The following METTL6 variants were observed in gnomAD, a reference collection of about 807,000 sequenced individuals.
The protein encoded by METTL6 is methyltransferase 6, tRNA N3-cytidine, also known as tRNA N(3)-cytidine methyltransferase METTL6.
A neutral mutation model predicts 26.4 loss-of-function variants in METTL6; 22 were observed. The observed-to-expected ratio is 0.83, with a 90% CI of 0.59 to 1.19. METTL6 has a LOEUF of 1.19. METTL6 is among the 50% of genes most tolerant of loss of function. METTL6 has a pLI of 0.00. For synonymous variants in METTL6, 109 were observed against 116.2 expected, an observed-to-expected ratio of 0.94 and a Z score of 0.40; for missense variants, 304 against 324.8, an observed-to-expected ratio of 0.94 and a Z score of 0.49.
At chr3:15,388,544 G>A (rs1243460734) in intron 6 of METTL6, among the ~76,000 whole-genome samples, 1 of 152,132 alleles carries the variant, frequency 6.6e-6, no homozygotes, top group Non-Finnish European at 1.5e-5. Context: ...GTTCCTGGGT[G>A]GGAGCCACAA....
chr3:15,426,604 G>C lies in METTL6; in HGVS notation c.-93C>G. On this transcript the variant is annotated 5_prime_UTR_variant, in exon 2 of 6. Transcript: ENST00000383790. ...CTAATGGATCAGATACATTTCCTGA[G>C]GTGAGTTTCACGCCTCAAACAGCAC... 2.4e-6 allele frequency: 3 copies of C among 1,237,256 alleles called. No homozygotes were observed. The highest frequency in any genetic ancestry group is 2.3e-6 in the Non-Finnish European group (2 of 874,396). The allele number at this position is 1,237,256 out of a possible 1,614,324, so 76.6% of individuals were successfully genotyped here.
At chr3:15,382,669 A>C (rs1008444396) in exon 7 of METTL6, 3 of 151,776 alleles carry the variant, frequency 2.0e-5, no homozygotes, top group East Asian at 3.9e-4. Context: ...GCTTCAAAAA[A>C]AAAAAAAAAA....
At chr3:15,401,443 G>C (rs1302643005) in intron 6 of METTL6, among the ~76,000 whole-genome samples, 1 of 151,000 alleles carries the variant, frequency 6.6e-6, no homozygotes, top group Non-Finnish European at 1.5e-5. Flanking sequence ...CAAAGTGCTG[G>C]GAATACAGGC....
At chr3:15,416,048 A>G (rs1242821928) in intron 3 of METTL6, 106 bp from the exon 4 acceptor site, 1 of 947,840 alleles carries the variant, frequency 1.1e-6, no homozygotes, top group African/African-American at 1.7e-5. Flanking sequence ...GTATACATAG[A>G]AATTATCACT....
intron 4 of METTL6, chr3:15,414,957 A>G (rs1186651304): frequency 1.8e-6 from 2 of 1,131,528 alleles, no homozygotes; most frequent in African/African-American, 3.4e-5. Context: ...ACAATAAATG[A>G]AAGTGTTATC....
intron 3 of METTL6, 80 bp from the exon 4 acceptor site, chr3:15,416,022 G>A (rs1385927501): frequency 2.3e-6 from 3 of 1,283,276 alleles, no homozygotes; most frequent in Admixed American, 2.4e-5. Context: ...ATCAAAAGGC[G>A]ATCCAATTTC....
chr3:15,408,560 C>CTATT (rs1553627412), downstream of METTL6, among the ~76,000 whole-genome samples: 1 of 31,542 alleles, frequency 3.2e-5, no homozygotes, highest in Non-Finnish European at 5.5e-5. Flanking sequence ...CTGCTCCTTG[C>CTATT]TCTTTTTTTT....
chr3:15,415,966 G>A (rs1700188560), intron 3 of METTL6, 24 bp from the exon 4 acceptor site: 1 of 1,585,672 alleles, frequency 6.3e-7, no homozygotes, highest in Non-Finnish European at 8.6e-7. Flanking sequence ...AAATACAAAT[G>A]AATTTTAATG....
At position 15,426,535 on chromosome 3, in the gene METTL6, A is replaced by G. The variant is rs767316266; in HGVS notation, c.-24T>C. 2 of 1,592,690 alleles carry G rather than the reference A, an allele frequency of 1.3e-6. No individual in the cohort carries two copies. Among genetic ancestry groups the G allele is most frequent in the South Asian group, 1.1e-5 (1 of 90,334 alleles). On this transcript the variant is annotated 5_prime_UTR_variant, in exon 2 of 6. The change abolishes the stop of an existing upstream ORF in the 5' untranslated region. Transcript: ENST00000383790. The stretch of plus-strand genomic sequence containing the variant: ...ATCTCTGAAACTGACGGTAACACTT[A>G]ACACAGCTGAAGATTCTCCATCACC...
intron 6 of METTL6, among the ~76,000 whole-genome samples, chr3:15,385,102 G>A (rs540585319): frequency 6.6e-6 from 1 of 152,044 alleles, no homozygotes; most frequent in South Asian, 2.1e-4. Flanking sequence ...AGGAACAATT[G>A]TTTAAAGGCA....
intron 6 of METTL6, among the ~76,000 whole-genome samples, chr3:15,402,018 G>A (rs1187259274): frequency 2.0e-5 from 3 of 152,096 alleles, no homozygotes; most frequent in Non-Finnish European, 4.4e-5. Context: ...CTTGCACAAG[G>A]TCCAAGAACC....
At position 15,410,412 on chromosome 3, in the gene METTL6, T is replaced by C. The variant is rs1013708500; in HGVS notation, c.*844A>G. Among the ~76,000 whole-genome samples, 6 of 152,102 alleles carry C rather than the reference T, an allele frequency of 3.9e-5. No homozygotes were observed. The highest frequency in any genetic ancestry group is 7.4e-5 in the Non-Finnish European group (5 of 68,002). ...ATCTCGACTTACTGCAACCTCCACC[T>C]TCCAGGCTCAAGCTAACCTCCCACC... On this transcript the variant is annotated 3_prime_UTR_variant, in exon 6 of 6. Coordinates refer to ENST00000383790, the MANE Select transcript of METTL6 (RefSeq NM_152396.4).
At chr3:15,413,362 C>T (rs1383089149) in intron 5 of METTL6, among the ~76,000 whole-genome samples, 5 of 152,158 alleles carry the variant, frequency 3.3e-5, no homozygotes, top group African/African-American at 1.2e-4. Context: ...ATCACTTGAG[C>T]TCAGAAGTTC....
chr3:15,416,011 C>T, intron 3 of METTL6, 69 bp from the exon 4 acceptor site: 3 of 1,386,292 alleles, frequency 2.2e-6, no homozygotes, highest in South Asian at 2.8e-5. Context: ...AAAAATACAA[C>T]ATCAAAAGGC....
downstream of METTL6, among the ~76,000 whole-genome samples, chr3:15,406,623 TATATATAGAGAGAG>T (rs1246630758): frequency 5.0e-5 from 2 of 39,788 alleles, no homozygotes; most frequent in East Asian, 7.5e-4. Flanking sequence ...TATATATATA[TATATATAGAGAGAG>T]AGAGAGAGAG....
At chr3:15,414,880 C>T in intron 4 of METTL6, 1 of 867,524 alleles carries the variant, frequency 1.2e-6, no homozygotes, top group Non-Finnish European at 1.6e-6. Flanking sequence ...CACGTCCATG[C>T]CACTGCACTC....
rs1332211427 is a variant in METTL6, at chr3:15,427,422, G to C, written c.-145C>G. ...CTCACCCCACAGCCAGCCCCACTGG[G>C]CCTCGGAGGCAGAATACGGGAAGAA... On this transcript the variant is annotated 5_prime_UTR_variant, in exon 1 of 6. Transcript: ENST00000383790. The C allele has an allele frequency of 3.3e-6, 1 of 306,172 alleles. No individual in the cohort carries two copies. The highest frequency in any genetic ancestry group is 2.3e-5 in the African/African-American group (1 of 43,810). The allele number at this position is 306,172 out of a possible 1,614,324, so 19.0% of individuals were successfully genotyped here. A position where few individuals can be genotyped will look rare whatever the true frequency, so the allele number is the denominator to read the frequency against.
chr3:15,417,538 T>C (rs2125004854), intron 3 of METTL6, among the ~76,000 whole-genome samples: 1 of 151,978 alleles, frequency 6.6e-6, no homozygotes, highest in South Asian at 2.1e-4. Flanking sequence ...TATCAAAATA[T>C]ATTACAAAAC....
In METTL6 at chr3:15,415,761, A is replaced by G; in HGVS notation, c.531+11T>C. 1 of 1,612,422 alleles carries G rather than the reference A, an allele frequency of 6.2e-7. No individual in the cohort carries two copies. Among genetic ancestry groups the G allele is most frequent in the Non-Finnish European group, 8.5e-7 (1 of 1,179,148 alleles). ...TGTCCAACCCTCAAGTGCAGGCCCC[A>G]AATCACTAACCTTGTAAATGTTTTG... On this transcript the variant is annotated intron_variant, in intron 4 of 5. Transcript: ENST00000383790.
Sources: allele counts gnomAD v4.1 joint callset (sites outside exome capture counted in the v4.1 genomes callset), GRCh38; gene constraint gnomAD v4.1.1; transcripts MANE v1.5; gene names NCBI Gene and HGNC (gene_info 2026-07-23, HGNC 2026-07-21).